The following NKAIN3 variants were observed in gnomAD, a reference collection of about 807,000 sequenced individuals.
NKAIN3 encodes sodium/potassium-transporting ATPase subunit beta-1-interacting protein 3.
Under a neutral mutation model 30.2 loss-of-function variants are expected in NKAIN3, and 25 were observed. The ratio of observed to expected loss-of-function variants is 0.83; its 90% CI spans 0.60 to 1.16. The LOEUF (loss-of-function observed/expected upper bound fraction) is 1.16. Ranked by LOEUF, NKAIN3 falls within the 50% of genes most tolerant of loss-of-function variation. The pLI is 0.00. For missense variants in NKAIN3, 225 were observed against 254.1 expected (o/e 0.89, Z 0.78); for synonymous variants, 91 against 89.6 (o/e 1.02, Z -0.09).
intron 1 of NKAIN3, among the ~76,000 whole-genome samples, chr8:62,368,763 A>G (rs1816815129): frequency 6.6e-6 from 1 of 152,030 alleles, no homozygotes; most frequent in Admixed American, 6.5e-5. Context: ...GTAGTCAAGG[A>G]TAATTATCTC....
intron 3 of NKAIN3, among the ~76,000 whole-genome samples, chr8:62,738,144 C>T (rs1221319712): frequency 1.3e-5 from 2 of 152,158 alleles, no homozygotes; most frequent in Non-Finnish European, 2.9e-5. Flanking sequence ...AGTGTAAAAT[C>T]GTTCCTATTT....
intron 4 of NKAIN3, among the ~76,000 whole-genome samples, chr8:62,858,654 C>A (rs1471498808): frequency 6.6e-6 from 1 of 152,202 alleles, no homozygotes; most frequent in Non-Finnish European, 1.5e-5. Context: ...AGCAGCTATG[C>A]TGCACTGGGG....
chr8:62,591,048 T>C (rs540931638), intron 3 of NKAIN3, among the ~76,000 whole-genome samples: 53 of 152,124 alleles, frequency 3.5e-4, no homozygotes, highest in African/African-American at 1.1e-3. Context: ...AATTTTCAAA[T>C]GCAAATCTTA....
intron 1 of NKAIN3, among the ~76,000 whole-genome samples, chr8:62,403,952 A>T (rs1470123331): frequency 6.6e-6 from 1 of 152,238 alleles, no homozygotes; most frequent in Non-Finnish European, 1.5e-5. Flanking sequence ...CTGTAAAGCC[A>T]CAGGGGCAGA....
At position 62,976,512 on chromosome 8, in the gene NKAIN3, CT is replaced by C. The variant is rs1209617573; in HGVS notation, c.*11113del. Among the ~76,000 whole-genome samples the C allele has an allele frequency of 7.9e-5, 12 of 151,764 alleles. No individual in the cohort carries two copies. Among genetic ancestry groups the C allele is most frequent in the East Asian group, 1.9e-4 (1 of 5,162 alleles). On this transcript the variant is annotated 3_prime_UTR_variant, in exon 7 of 7. Transcript: ENST00000623646. Reference sequence around the variant, plus strand: ...CCAGAGGCTAAGATTGCAACCCCTGCTTTTTTTTGCTTTCCATTTGCCTGGT... The same window carrying C: ...CCAGAGGCTAAGATTGCAACCCCTGCTTTTTTTGCTTTCCATTTGCCTGGT...
Position 62,968,072 on chromosome 8 carries a change from C to T in NKAIN3, c.*2665C>T, listed in dbSNP as rs184724359. 2.5e-3 allele frequency among the ~76,000 whole-genome samples: 377 copies of T among 152,268 alleles called. 2 individuals are homozygous for T. Among genetic ancestry groups the T allele is most frequent in the African/African-American group, 8.6e-3 (357 of 41,562 alleles). ...AGTTATAACTGTTTCAATCTCCAAC[C>T]TCAGCAATCCATAAAGATTGTCCTA... On this transcript the variant is annotated 3_prime_UTR_variant, in exon 7 of 7. Coordinates refer to ENST00000623646, the MANE Select transcript of NKAIN3 (RefSeq NM_001304533.3).
intron 4 of NKAIN3, among the ~76,000 whole-genome samples, chr8:62,769,004 G>A (rs1169280366): frequency 5.3e-5 from 8 of 152,088 alleles, no homozygotes; most frequent in Non-Finnish European, 1.0e-4. Flanking sequence ...GATAAATTAT[G>A]CCTTCTTAAT....
At chr8:62,663,161 G>A (rs939336506) in intron 3 of NKAIN3, among the ~76,000 whole-genome samples, 1 of 152,196 alleles carries the variant, frequency 6.6e-6, no homozygotes, top group South Asian at 2.1e-4. Flanking sequence ...TTGATGAGTG[G>A]AAGAAGAGAT....
chr8:62,533,256 G>A (rs949544089), intron 1 of NKAIN3, among the ~76,000 whole-genome samples: 1 of 152,164 alleles, frequency 6.6e-6, no homozygotes, highest in African/African-American at 2.4e-5. Flanking sequence ...TGAGTATCTC[G>A]AGGGGACACA....
intron 3 of NKAIN3, among the ~76,000 whole-genome samples, chr8:62,601,019 G>A (rs576408945): frequency 6.6e-6 from 1 of 151,970 alleles, no homozygotes; most frequent in Non-Finnish European, 1.5e-5. Context: ...AAATATTTTA[G>A]ACCGTCAATT....
chr8:62,835,286 G>C (rs748990255), intron 4 of NKAIN3, among the ~76,000 whole-genome samples: 1 of 151,816 alleles, frequency 6.6e-6, no homozygotes, highest in Non-Finnish European at 1.5e-5. Context: ...CTAAGTCCTC[G>C]AAAGCAATTG....
chr8:62,914,303 T>C (rs1161572929), intron 4 of NKAIN3, among the ~76,000 whole-genome samples: 1 of 152,058 alleles, frequency 6.6e-6, no homozygotes, highest in Non-Finnish European at 1.5e-5. Flanking sequence ...TAAGAACTTA[T>C]GAACACAAAG....
intron 1 of NKAIN3, among the ~76,000 whole-genome samples, chr8:62,314,194 A>G (rs1814540014): frequency 6.6e-6 from 1 of 152,226 alleles, no homozygotes; most frequent in Non-Finnish European, 1.5e-5. Flanking sequence ...AATGTATAAC[A>G]TGGAGCTGGA....
At chr8:62,267,625 C>A (rs1812648719) in intron 1 of NKAIN3, among the ~76,000 whole-genome samples, 1 of 152,068 alleles carries the variant, frequency 6.6e-6, no homozygotes. Context: ...CTTTTGTATT[C>A]CCCACAGTGC....
At position 62,729,134 on chromosome 8, in the gene NKAIN3, A is replaced by G. The variant is rs187710878; in HGVS notation, c.274-17798A>G. On this transcript the variant is annotated intron_variant, in intron 3 of 6. Coordinates refer to ENST00000623646, the MANE Select transcript of NKAIN3 (RefSeq NM_001304533.3). ...AAAATATTTGCAAAATAAATATTTGATAAAAGAGTGTTGTCCAACATACAC... is the reference window on the plus strand; with the variant it reads ...AAAATATTTGCAAAATAAATATTTGGTAAAAGAGTGTTGTCCAACATACAC... Among the ~76,000 whole-genome samples, 38 of 151,816 alleles carry G rather than the reference A, an allele frequency of 2.5e-4. No individual in the cohort carries two copies. In the East Asian group the frequency reaches 7.0e-3, roughly 28 times the overall value.
chr8:62,596,285 A>G (rs1015392629), intron 3 of NKAIN3, among the ~76,000 whole-genome samples: 2 of 151,984 alleles, frequency 1.3e-5, no homozygotes, highest in African/African-American at 4.8e-5. Context: ...TGATTACTCC[A>G]TACTAGGGGT....
chr8:62,311,789 A>G (rs1054557166), intron 1 of NKAIN3, among the ~76,000 whole-genome samples: 1 of 150,208 alleles, frequency 6.7e-6, no homozygotes, highest in African/African-American at 2.5e-5. Flanking sequence ...GTTTCCATAA[A>G]ATCCATCTGC....
At chr8:62,584,046 A>G (rs1585977523) in intron 2 of NKAIN3, among the ~76,000 whole-genome samples, 1 of 152,318 alleles carries the variant, frequency 6.6e-6, no homozygotes, top group African/African-American at 2.4e-5. Flanking sequence ...CTGAAAATGA[A>G]TGTGGCATAT....
Position 62,811,626 on chromosome 8 carries a change from A to T in NKAIN3, c.471+64497A>T, listed in dbSNP as rs1818491383. 9.8e-5 allele frequency among the ~76,000 whole-genome samples: 6 copies of T among 61,214 alleles called. No homozygotes were observed. The South Asian group carries it at 3.1e-3, about 32-fold the overall frequency. The allele number at this position is 61,214 out of a possible 152,430, so 40.2% of individuals were successfully genotyped here. A position where few individuals can be genotyped will look rare whatever the true frequency, so the allele number is the denominator to read the frequency against. ...TAATTTGCATTTTCTGATGGCTAACAATGGAGAATATGTTTTTTGTGCTTA... is the reference window on the plus strand; with the variant it reads ...TAATTTGCATTTTCTGATGGCTAACTATGGAGAATATGTTTTTTGTGCTTA... On this transcript the variant is annotated intron_variant, in intron 4 of 6. Transcript: ENST00000623646.
Sources: allele counts gnomAD v4.1 joint callset (sites outside exome capture counted in the v4.1 genomes callset), GRCh38; gene constraint gnomAD v4.1.1; transcripts MANE v1.5; gene names NCBI Gene and HGNC (gene_info 2026-07-23, HGNC 2026-07-21).